Variants in MAPT observed in about 807,000 individuals in gnomAD.
The protein encoded by MAPT is microtubule associated protein tau.
MAPT carries 34 observed loss-of-function variants against 67.9 expected under a neutral mutation model. That is an observed-to-expected ratio of 0.50 (90% CI 0.38 to 0.67). MAPT has a LOEUF of 0.67. Ranked by LOEUF, MAPT falls within the 30% of genes least tolerant of loss-of-function variation. MAPT has a pLI of 0.00. For synonymous variants in MAPT, 456 were observed against 464.5 expected, an observed-to-expected ratio of 0.98 and a Z score of 0.23; for missense variants, 881 against 1,115.2, an observed-to-expected ratio of 0.79 and a Z score of 2.99.
intron 1 of MAPT, among the ~76,000 whole-genome samples, chr17:45,927,882 C>T (rs1460202287): frequency 6.6e-6 from 1 of 151,854 alleles, no homozygotes; most frequent in African/African-American, 2.4e-5. Context: ...TGCCTGTAGT[C>T]CCAGCTACTC....
At chr17:45,964,240 G>A (rs1352117559) in intron 2 of MAPT, among the ~76,000 whole-genome samples, 1 of 151,898 alleles carries the variant, frequency 6.6e-6, no homozygotes, top group Admixed American at 6.6e-5. Flanking sequence ...TAAGTTCTAG[G>A]GTACATGTGC....
In MAPT at chr17:45,962,399, G is replaced by T. The variant is rs781076528; in HGVS notation, c.62G>T (p.Gly21Val). 1.7e-5 allele frequency: 28 copies of T among 1,612,618 alleles called. No homozygotes were observed. The highest frequency in any genetic ancestry group is 2.5e-6 in the Non-Finnish European group (3 of 1,179,970). ...MEDHAGTYGLGDRKDQGGYTM... is the reference protein window; with the variant it reads ...MEDHAGTYGLVDRKDQGGYTM... ...GATCACGCTGGGACGTACGGGTTGGGGGACAGGAAAGATCAGGGGGGCTAC... is the reference window on the plus strand; with the variant it reads ...GATCACGCTGGGACGTACGGGTTGGTGGACAGGAAAGATCAGGGGGGCTAC... The change falls in exon 2 of 13, where the codon GGG becomes GTG. Residue 21 changes from glycine to valine, a missense_variant. Physicochemically the swap from Gly to Val is moderately radical, Grantham distance 109 (BLOSUM62 -3). Transcript: ENST00000262410.
intron 1 of MAPT, among the ~76,000 whole-genome samples, chr17:45,907,403 T>G (rs554765563): frequency 1.3e-5 from 2 of 152,316 alleles, no homozygotes; most frequent in African/African-American, 4.8e-5. Context: ...CCTCACAGTT[T>G]CCTTCTTGCC....
chr17:45,977,629 T>G (rs1050550770), intron 3 of MAPT: 10 of 152,336 alleles, frequency 6.6e-5, no homozygotes, highest in African/African-American at 2.4e-4. Context: ...CTTTCTTGTT[T>G]GGGGTGAGCT....
chr17:45,990,849 T>C (rs1484872809), intron 7 of MAPT, among the ~76,000 whole-genome samples: 2 of 152,202 alleles, frequency 1.3e-5, no homozygotes, highest in African/African-American at 2.4e-5. Context: ...GGGACTGCCC[T>C]AGTCCCTAGA....
At chr17:45,926,617 A>G (rs2066314743) in intron 1 of MAPT, among the ~76,000 whole-genome samples, 1 of 152,110 alleles carries the variant, frequency 6.6e-6, no homozygotes, top group Non-Finnish European at 1.5e-5. Flanking sequence ...CCAGCCCTCA[A>G]ATTTTTAAAA....
chr17:45,979,946 T>G (rs1429828808), intron 4 of MAPT: 2 of 152,160 alleles, frequency 1.3e-5, no homozygotes, highest in African/African-American at 4.8e-5. Context: ...AAAGTACCTA[T>G]TAGTAAGATG....
chr17:45,917,986 C>G (rs1345262032), intron 1 of MAPT, among the ~76,000 whole-genome samples: 2 of 152,168 alleles, frequency 1.3e-5, no homozygotes, highest in African/African-American at 4.8e-5. Context: ...GTTGGCCAGG[C>G]TGGTCTCAAA....
Position 45,991,525 on chromosome 17 carries a change from G to A in MAPT, c.1671G>A (p.Gln557=), listed in dbSNP as rs778851532. The change falls in exon 8 of 13, where the codon CAG becomes CAA. Residue 557 remains glutamine (Q), a synonymous_variant. Coordinates refer to ENST00000262410, the MANE Select transcript of MAPT (RefSeq NM_001377265.1). ...RGAAPPGQKG[Q]ANATRIPAKT... ...CAGCCCCTCCAGGCCAGAAGGGCCAGGCCAACGCCACCAGGATTCCAGCAA... is the reference window on the plus strand; with the variant it reads ...CAGCCCCTCCAGGCCAGAAGGGCCAAGCCAACGCCACCAGGATTCCAGCAA... 6.2e-7 allele frequency: 1 copy of A among 1,614,230 alleles called. No homozygotes were observed. The highest frequency in any genetic ancestry group is 1.1e-5 in the South Asian group (1 of 91,082).
intron 1 of MAPT, among the ~76,000 whole-genome samples, chr17:45,952,897 A>AC (rs112320018): frequency 0.14 from 21,761 of 152,138 alleles, 2,119 homozygotes; most frequent in Non-Finnish European, 0.22. Flanking sequence ...GGATGAAGGA[A>AC]GGGCAGTGAG....
intron 2 of MAPT, among the ~76,000 whole-genome samples, chr17:45,969,966 C>T (rs2071480800): frequency 6.6e-6 from 1 of 151,794 alleles, no homozygotes; most frequent in Non-Finnish European, 1.5e-5. Context: ...TCCATCCACC[C>T]ATATCTTCAT....
intron 1 of MAPT, 86 bp from the exon 2 acceptor site, chr17:45,962,235 C>T (rs1205014664): frequency 3.5e-6 from 4 of 1,138,094 alleles, no homozygotes; most frequent in African/African-American, 1.5e-5. Flanking sequence ...CTGCCATGAA[C>T]TGGGAGGAGA....
chr17:45,916,111 A>G (rs1212807502), intron 1 of MAPT, among the ~76,000 whole-genome samples: 3 of 152,018 alleles, frequency 2.0e-5, no homozygotes, highest in African/African-American at 7.2e-5. Flanking sequence ...TCATCCCCAC[A>G]TTCCCGGAGG....
intron 1 of MAPT, among the ~76,000 whole-genome samples, chr17:45,955,731 T>TTTTTTTTTTC (rs1555695389): frequency 8.9e-5 from 13 of 146,876 alleles, no homozygotes; most frequent in Admixed American, 3.4e-4. Context: ...ACTCCTTCCT[T>TTTTTTTTTTC]TTTTTTTTTT....
chr17:45,970,139 A>G (rs1212402517), intron 2 of MAPT, among the ~76,000 whole-genome samples: 4 of 151,166 alleles, frequency 2.6e-5, no homozygotes, highest in African/African-American at 9.8e-5. Flanking sequence ...CATATATCCA[A>G]TTACACATCC....
chr17:45,973,186 G>C (rs2071909962), intron 3 of MAPT: 1 of 152,166 alleles, frequency 6.6e-6, no homozygotes, highest in Non-Finnish European at 1.5e-5. Flanking sequence ...CTCTTGCTTG[G>C]TATAATGCTA....
chr17:46,007,283 G>T (rs2075511350), intron 9 of MAPT, among the ~76,000 whole-genome samples: 1 of 152,042 alleles, frequency 6.6e-6, no homozygotes, highest in Admixed American at 6.5e-5. Context: ...CCAGGAGTTT[G>T]AGACCGGCCT....
intron 9 of MAPT, chr17:45,999,407 C>T: frequency 6.2e-7 from 1 of 1,614,048 alleles, no homozygotes; most frequent in Non-Finnish European, 8.5e-7. Flanking sequence ...ATTCAGGTTG[C>T]CAGAGACAGA....
At chr17:46,005,078 C>T (rs144027041) in intron 9 of MAPT, among the ~76,000 whole-genome samples, 2 of 152,236 alleles carry the variant, frequency 1.3e-5, no homozygotes, top group East Asian at 3.9e-4. Flanking sequence ...GCCACCGTGC[C>T]CGGCCAGAAA....
Sources: allele counts gnomAD v4.1 joint callset (sites outside exome capture counted in the v4.1 genomes callset), GRCh38; gene constraint gnomAD v4.1.1; transcripts MANE v1.5; gene names NCBI Gene and HGNC (gene_info 2026-07-23, HGNC 2026-07-21).